The following DPP6 variants were observed in gnomAD, a reference collection of about 807,000 sequenced individuals.
DPP6 encodes dipeptidyl peptidase like 6.
In DPP6, 69 loss-of-function variants were observed where a neutral mutation model predicts 122.6. The ratio of observed to expected loss-of-function variants is 0.56; its 90% CI spans 0.46 to 0.69. DPP6 has a LOEUF of 0.69. Ranked by LOEUF, DPP6 falls within the 30% of genes least tolerant of loss-of-function variation. The pLI, the probability that DPP6 is intolerant of heterozygous loss-of-function variation, is 0.00. For synonymous variants in DPP6, 418 were observed against 433.1 expected, an observed-to-expected ratio of 0.97 and a Z score of 0.43; for missense variants, 928 against 1,116.9, an observed-to-expected ratio of 0.83 and a Z score of 2.41.
chr7:154,215,753 T>C (rs1050391727), intron 1 of DPP6, among the ~76,000 whole-genome samples: 10 of 151,990 alleles, frequency 6.6e-5, no homozygotes, highest in African/African-American at 1.2e-4. Flanking sequence ...GATCCCCAAA[T>C]AGTTTACTTG....
chr7:153,894,373 C>T (rs182700214), intron 1 of DPP6, among the ~76,000 whole-genome samples: 4 of 152,252 alleles, frequency 2.6e-5, no homozygotes, highest in African/African-American at 7.2e-5. Context: ...AACTCAAGAG[C>T]GTGCCTCAGA....
intron 1 of DPP6, among the ~76,000 whole-genome samples, chr7:154,352,807 C>A (rs1047797352): frequency 6.6e-6 from 1 of 152,170 alleles, no homozygotes; most frequent in African/African-American, 2.4e-5. Flanking sequence ...CAAACCTGCA[C>A]GTTCTTCACA....
chr7:153,782,974 G>A, the DPP6 span, among the ~76,000 whole-genome samples: 1 of 152,174 alleles, frequency 6.6e-6, no homozygotes, highest in Non-Finnish European at 1.5e-5. Flanking sequence ...CTGGCTCTGA[G>A]GTAGTTGCTG....
intron 1 of DPP6, among the ~76,000 whole-genome samples, chr7:153,977,098 A>G (rs1796344704): frequency 6.6e-6 from 1 of 151,894 alleles, no homozygotes; most frequent in African/African-American, 2.4e-5. Flanking sequence ...AGAAATCTTC[A>G]TGTTTTCTTT....
chr7:153,762,506 C>T, the DPP6 span, among the ~76,000 whole-genome samples: 1 of 152,130 alleles, frequency 6.6e-6, no homozygotes, highest in East Asian at 1.9e-4. Context: ...CGCGGTGGCT[C>T]ACGCCTATAA....
At chr7:154,467,022 A>C (rs956076083) in intron 2 of DPP6, among the ~76,000 whole-genome samples, 2 of 152,228 alleles carry the variant, frequency 1.3e-5, no homozygotes, top group African/African-American at 2.4e-5. Context: ...AGGTAAACAC[A>C]GTAGTGGGAC....
At chr7:154,874,277 C>A (rs1258403606) in intron 19 of DPP6, among the ~76,000 whole-genome samples, 2 of 152,202 alleles carry the variant, frequency 1.3e-5, no homozygotes, top group Non-Finnish European at 2.9e-5. Context: ...TAAAGGAAAT[C>A]CCCAAAAGCA....
At chr7:154,861,350 T>C (rs1415864546) in intron 17 of DPP6, among the ~76,000 whole-genome samples, 2 of 152,250 alleles carry the variant, frequency 1.3e-5, no homozygotes, top group African/African-American at 4.8e-5. Flanking sequence ...AGCATATTTA[T>C]TTTAAAATAA....
intron 17 of DPP6, among the ~76,000 whole-genome samples, chr7:154,865,974 A>C (rs1030872391): frequency 2.0e-5 from 3 of 152,214 alleles, no homozygotes; most frequent in African/African-American, 7.2e-5. Context: ...GGCGAGGGGT[A>C]GGGAGAAGGA....
chr7:153,866,988 T>A, the DPP6 span, among the ~76,000 whole-genome samples: 1 of 152,240 alleles, frequency 6.6e-6, no homozygotes, highest in African/African-American at 2.4e-5. Context: ...CTGAGGGCTC[T>A]GTTCTGTTCC....
intron 1 of DPP6, among the ~76,000 whole-genome samples, chr7:154,055,277 GAC>G (rs2129064378): frequency 7.4e-6 from 1 of 134,568 alleles, no homozygotes; most frequent in African/African-American, 2.8e-5. Flanking sequence ...TTAAACTCAT[GAC>G]ACAGGCTGAA....
At chr7:154,113,233 G>T (rs183861189) in intron 1 of DPP6, among the ~76,000 whole-genome samples, 1 of 152,090 alleles carries the variant, frequency 6.6e-6, no homozygotes, top group Admixed American at 6.6e-5. Flanking sequence ...TTTTGGATAC[G>T]TACCTGGAAA....
chr7:154,331,062 A>C (rs146402366), intron 1 of DPP6, among the ~76,000 whole-genome samples: 3 of 152,288 alleles, frequency 2.0e-5, no homozygotes, highest in African/African-American at 7.2e-5. Flanking sequence ...GGTGGCAGTC[A>C]TCTCCCCTCC....
intron 3 of DPP6, among the ~76,000 whole-genome samples, chr7:154,508,186 A>C (rs1244089370): frequency 2.6e-5 from 4 of 152,164 alleles, no homozygotes; most frequent in African/African-American, 9.7e-5. Flanking sequence ...CTGCTCCAAG[A>C]TAGCCCCCCT....
the DPP6 span, among the ~76,000 whole-genome samples, chr7:153,830,774 G>C: frequency 1.6e-4 from 25 of 152,142 alleles, no homozygotes; most frequent in Admixed American, 3.3e-4. Flanking sequence ...AATCGCACCA[G>C]GGATAACAAT....
intron 1 of DPP6, among the ~76,000 whole-genome samples, chr7:154,014,652 ACT>A (rs1049107172): frequency 2.0e-5 from 3 of 151,588 alleles, no homozygotes; most frequent in Admixed American, 6.6e-5. Flanking sequence ...ACAGAGTGAG[ACT>A]CTGTGTCAAA....
intron 5 of DPP6, among the ~76,000 whole-genome samples, chr7:154,608,342 T>TATATATATATATATA (rs59731169): frequency 3.0e-4 from 38 of 127,336 alleles, no homozygotes; most frequent in South Asian, 5.3e-4. Flanking sequence ...TATATATATA[T>TATATATATATATATA]TTTGAGATGG....
intron 7 of DPP6, among the ~76,000 whole-genome samples, chr7:154,705,673 GC>G (rs776780409): frequency 2.0e-5 from 3 of 152,222 alleles, no homozygotes; most frequent in Non-Finnish European, 2.9e-5. Context: ...GGGGGCCAGG[GC>G]TCCCAGACAG....
At chr7:154,465,965 C>T (rs1821744052) in intron 2 of DPP6, among the ~76,000 whole-genome samples, 2 of 152,122 alleles carry the variant, frequency 1.3e-5, no homozygotes, top group African/African-American at 4.8e-5. Flanking sequence ...CCCAAATGCC[C>T]ATCAATGTTA....
Sources: allele counts gnomAD v4.1 joint callset (sites outside exome capture counted in the v4.1 genomes callset), GRCh38; gene constraint gnomAD v4.1.1; transcripts MANE v1.5; gene names NCBI Gene and HGNC (gene_info 2026-07-23, HGNC 2026-07-21).